TTLL7: variants seen among roughly 807,000 people sequenced by gnomAD.
The protein encoded by TTLL7 is tubulin polyglutamylase TTLL7.
Under a neutral mutation model 120.2 loss-of-function variants are expected in TTLL7, and 53 were observed. That is an observed-to-expected ratio of 0.44 (90% CI 0.35 to 0.55). TTLL7 has a LOEUF of 0.55. TTLL7 is among the 20% of genes least tolerant of loss of function. The pLI is 0.00. For missense variants in TTLL7, 803 were observed against 1,054.7 expected, an observed-to-expected ratio of 0.76 and a Z score of 3.31; for synonymous variants, 353 against 351.7, an observed-to-expected ratio of 1.00 and a Z score of -0.04.
chr1:83,868,978 TTA>T lies in TTLL7; in HGVS notation c.*982_*983del, dbSNP rs1653112662. On this transcript the variant is annotated 3_prime_UTR_variant, in exon 21 of 21. Transcript: ENST00000260505. Reference sequence around the variant, plus strand: ...TTTATTTATTTATTTTATTTTATTATTATTTTTTTTTTTTGAGACAGAGTTTC... The same window carrying T: ...TTTATTTATTTATTTTATTTTATTATTTTTTTTTTTTTGAGACAGAGTTTC... 1 of 149,190 alleles carries T rather than the reference TTA, an allele frequency of 6.7e-6. No homozygotes were observed. The highest frequency in any genetic ancestry group is 6.7e-5 in the Admixed American group (1 of 14,986). The allele number at this position is 149,190 out of a possible 1,614,324, so 9.2% of individuals were successfully genotyped here.
At chr1:83,935,604 T>C (rs1647310916) in intron 8 of TTLL7, among the ~76,000 whole-genome samples, 1 of 152,072 alleles carries the variant, frequency 6.6e-6, no homozygotes, top group Non-Finnish European at 1.5e-5. Flanking sequence ...TTTTTATTAT[T>C]GACCAGAACA....
At chr1:83,994,489 C>G (rs896840735) in intron 1 of TTLL7, among the ~76,000 whole-genome samples, 1 of 152,154 alleles carries the variant, frequency 6.6e-6, no homozygotes, top group Admixed American at 6.5e-5. Flanking sequence ...CCAAGTATCC[C>G]TACAATGAAT....
intron 1 of TTLL7, among the ~76,000 whole-genome samples, chr1:83,963,205 G>T (rs931042141): frequency 1.3e-5 from 2 of 152,064 alleles, no homozygotes; most frequent in Non-Finnish European, 2.9e-5. Flanking sequence ...ACAATCATGG[G>T]ATCCCATCCT....
chr1:83,998,869 G>A, intron 1 of TTLL7, 62 bp downstream of exon 1: 1 of 349,628 alleles, frequency 2.9e-6, no homozygotes, highest in Non-Finnish European at 5.8e-6. Context: ...CCAGGGCGGA[G>A]CCTTTGGGGA....
Position 83,999,020 on chromosome 1 carries a change from G to A in TTLL7, c.-266C>T, listed in dbSNP as rs768157376. On this transcript the variant is annotated 5_prime_UTR_variant, in exon 1 of 21. Transcript: ENST00000260505. Reference sequence around the variant, plus strand: ...CGCGCCTCGCAGCTTCCCCGTGGGCGGCCGCCCCGACTCGGCAGCCTGCAC... The same window carrying A: ...CGCGCCTCGCAGCTTCCCCGTGGGCAGCCGCCCCGACTCGGCAGCCTGCAC... 5 of 444,614 alleles carry A rather than the reference G, an allele frequency of 1.1e-5. No homozygotes were observed. The highest frequency in any genetic ancestry group is 2.1e-5 in the African/African-American group (1 of 48,572). The allele number at this position is 444,614 out of a possible 1,614,324, so 27.5% of individuals were successfully genotyped here.
intron 19 of TTLL7, among the ~76,000 whole-genome samples, chr1:83,887,907 G>T (rs1409211859): frequency 6.6e-6 from 1 of 151,992 alleles, no homozygotes; most frequent in African/African-American, 2.4e-5. Context: ...GTAAAACAAT[G>T]TCAGACATTT....
At chr1:83,973,642 A>G (rs1267732864) in intron 1 of TTLL7, among the ~76,000 whole-genome samples, 1 of 152,084 alleles carries the variant, frequency 6.6e-6, no homozygotes, top group East Asian at 1.9e-4. Flanking sequence ...ATGAATCTAT[A>G]GATCAAGTTG....
intron 1 of TTLL7, among the ~76,000 whole-genome samples, chr1:83,965,162 G>A (rs1384267567): frequency 6.6e-6 from 1 of 151,816 alleles, no homozygotes; most frequent in Non-Finnish European, 1.5e-5. Context: ...TTAAAAAGAT[G>A]AATCTTACAA....
At chr1:83,896,198 C>T (rs906655556) in intron 18 of TTLL7, among the ~76,000 whole-genome samples, 2 of 151,938 alleles carry the variant, frequency 1.3e-5, no homozygotes, top group Non-Finnish European at 2.9e-5. Flanking sequence ...TGTGGGCTTA[C>T]GTGAGGCTAA....
chr1:83,877,474 T>G (rs1654025172), intron 20 of TTLL7, among the ~76,000 whole-genome samples: 1 of 151,966 alleles, frequency 6.6e-6, no homozygotes. Context: ...ACAGCTGGAG[T>G]TATCTTTGTG....
intron 1 of TTLL7, among the ~76,000 whole-genome samples, chr1:83,969,874 C>T (rs529819350): frequency 6.6e-6 from 1 of 151,860 alleles, no homozygotes; most frequent in South Asian, 2.1e-4. Flanking sequence ...AAGAATGATT[C>T]ATAATAAATG....
intron 1 of TTLL7, among the ~76,000 whole-genome samples, chr1:83,963,024 A>G (rs1317595326): frequency 6.6e-6 from 1 of 152,158 alleles, no homozygotes; most frequent in East Asian, 1.9e-4. Context: ...CAATGGCACA[A>G]TGACTTTGGA....
chr1:83,919,832 C>T lies in TTLL7; in HGVS notation c.1367G>A (p.Arg456Gln). The T allele has an allele frequency of 2.5e-6, 4 of 1,607,774 alleles. No individual in the cohort carries two copies. Among genetic ancestry groups the T allele is most frequent in the Non-Finnish European group, 3.4e-6 (4 of 1,177,814 alleles). ...HENRHMGNYR[R>Q]IYPPEDKALL... The stretch of plus-strand genomic sequence containing the variant: ...TGCTTTATCTTCAGGAGGATAAATT[C>T]GTCTACAACAAAATCAGATAAACCA... Residue 456 changes from arginine to glutamine, a missense_variant and splice_region_variant, in exon 13 of 21, where the codon CGA becomes CAA. Around this residue, in one of 3 missense-constraint regions of TTLL7, gnomAD observed 324 missense variants for 507.7 expected, o/e 0.64. Transcript: ENST00000260505.
At chr1:83,872,364 G>A (rs1020176826) in intron 20 of TTLL7, among the ~76,000 whole-genome samples, 12 of 152,054 alleles carry the variant, frequency 7.9e-5, no homozygotes, top group South Asian at 2.1e-4. Context: ...AAGATCACTC[G>A]GTTACTTTAT....
chr1:83,919,619 T>G, intron 13 of TTLL7, 80 bp downstream of exon 13: 1 of 1,292,054 alleles, frequency 7.7e-7, no homozygotes, highest in Non-Finnish European at 1.0e-6. Flanking sequence ...TTTTTATATG[T>G]CGGACCAAGG....
rs184560229 is a variant in TTLL7, at chr1:83,902,467, T to G, written c.2208+1612A>C. 1.8e-4 allele frequency among the ~76,000 whole-genome samples: 27 copies of G among 152,158 alleles called. 1 individual carries two copies. The highest frequency in any genetic ancestry group is 6.5e-4 in the African/African-American group (27 of 41,540). ...CGCTAACATCCACATTGCCAAAAATTACAGTCAGTTCTTAGTGCTCAGCTT... is the reference window on the plus strand; with the variant it reads ...CGCTAACATCCACATTGCCAAAAATGACAGTCAGTTCTTAGTGCTCAGCTT... On this transcript the variant is annotated intron_variant, in intron 18 of 20. Coordinates refer to ENST00000260505, the MANE Select transcript of TTLL7 (RefSeq NM_024686.6).
intron 18 of TTLL7, among the ~76,000 whole-genome samples, chr1:83,901,063 T>C (rs1395387990): frequency 6.6e-6 from 1 of 152,034 alleles, no homozygotes; most frequent in Non-Finnish European, 1.5e-5. Flanking sequence ...AAGTTTCTTT[T>C]GTTGATTGAT....
chr1:83,966,630 T>G (rs991191568), intron 1 of TTLL7, among the ~76,000 whole-genome samples: 2 of 151,302 alleles, frequency 1.3e-5, no homozygotes, highest in Non-Finnish European at 2.9e-5. Flanking sequence ...AAAGAATAAT[T>G]TACAGTATTT....
chr1:83,935,542 T>C (rs1357197909), intron 8 of TTLL7, among the ~76,000 whole-genome samples: 1 of 152,088 alleles, frequency 6.6e-6, no homozygotes, highest in Non-Finnish European at 1.5e-5. Flanking sequence ...GGATAGTTTT[T>C]TTTTTAATGA....
Sources: gnomAD v4.1 joint callset for allele counts (sites outside exome capture counted in the v4.1 genomes callset) on GRCh38, gnomAD v4.1.1 for gene constraint, gnomAD v4.1.1 regional missense constraint, MANE v1.5 for transcripts, NCBI Gene and HGNC (gene_info 2026-07-23, HGNC 2026-07-21) for gene names.